The following CAPN13 variants were observed in gnomAD, a reference collection of about 807,000 sequenced individuals.
CAPN13 encodes calpain 13.
Under a neutral mutation model 98.4 loss-of-function variants are expected in CAPN13, and 90 were observed. The ratio of observed to expected loss-of-function variants is 0.92; its 90% CI spans 0.77 to 1.09. The LOEUF is 1.09. Ranked by LOEUF, CAPN13 falls within the 50% of genes least tolerant of loss-of-function variation. The pLI is 0.00. For missense variants in CAPN13, 887 were observed against 841.3 expected (o/e 1.05, Z -0.67); for synonymous variants, 330 against 305.5 (o/e 1.08, Z -0.84).
At chr2:30,784,831 G>A (rs575665202) in intron 2 of CAPN13, among the ~76,000 whole-genome samples, 2 of 152,218 alleles carry the variant, frequency 1.3e-5, no homozygotes, top group African/African-American at 4.8e-5. Flanking sequence ...CCTTATCATA[G>A]AGTTACTGTG....
intron 1 of CAPN13, among the ~76,000 whole-genome samples, chr2:30,795,991 G>T (rs528202658): frequency 6.6e-6 from 1 of 151,522 alleles, no homozygotes. Flanking sequence ...GACTTGCAGA[G>T]AAATACTTTG....
chr2:30,743,240 C>G, intron 13 of CAPN13, 143 bp downstream of exon 13: 1 of 752,016 alleles, frequency 1.3e-6, no homozygotes, highest in East Asian at 2.5e-5. Flanking sequence ...TTATGGTGAG[C>G]TGCTCTAGAG....
intron 22 of CAPN13, among the ~76,000 whole-genome samples, chr2:30,727,127 G>A (rs934137387): frequency 6.6e-6 from 1 of 152,098 alleles, no homozygotes; most frequent in African/African-American, 2.4e-5. Flanking sequence ...TGGGACAAAT[G>A]AATGAATGCA....
At chr2:30,753,250 G>A in intron 9 of CAPN13, 52 bp from the exon 10 acceptor site, 9 of 1,596,954 alleles carry the variant, frequency 5.6e-6, no homozygotes, top group Admixed American at 1.7e-5. Flanking sequence ...TGTCCCCAGG[G>A]TGGGGGTTCC....
Position 30,742,334 on chromosome 2 carries a change from T to C in CAPN13, c.1471A>G (p.Arg491Gly). The C allele has an allele frequency of 1.9e-6, 3 of 1,604,474 alleles. No homozygotes were observed. The highest frequency in any genetic ancestry group is 2.6e-6 in the Non-Finnish European group (3 of 1,175,448). The change falls in exon 14 of 23, where the codon AGA (arginine) becomes GGA (glycine). Residue 491 changes from arginine (R) to glycine (G), a missense_variant. Arg to Gly is a moderately radical substitution (Grantham distance 125). Transcript: ENST00000295055. ...DRHLSSHFNL[R>G]MKGSPSEHGS... The stretch of plus-strand genomic sequence containing the variant: ...CCTTGCTGCATACCTACCTTCATTC[T>C]GAGGTTGAAATGGCTGCTCAGGTGC...
chr2:30,756,972 C>T (rs1205300167), intron 8 of CAPN13, among the ~76,000 whole-genome samples: 3 of 152,166 alleles, frequency 2.0e-5, no homozygotes, highest in African/African-American at 7.2e-5. Context: ...GGGATCGGAG[C>T]GGTCCTGCCA....
intron 5 of CAPN13, among the ~76,000 whole-genome samples, chr2:30,764,863 A>G (rs1266702994): frequency 6.6e-6 from 1 of 152,140 alleles, no homozygotes; most frequent in African/African-American, 2.4e-5. Context: ...GGCAGTGGAC[A>G]TTGGGAGCCA....
chr2:30,803,945 CG>C (rs1675446879), intron 1 of CAPN13, among the ~76,000 whole-genome samples: 1 of 152,058 alleles, frequency 6.6e-6, no homozygotes, highest in Non-Finnish European at 1.5e-5. Flanking sequence ...GGTTGTTTCC[CG>C]GGAGAATGAG....
At chr2:30,800,487 T>C (rs1329590016) in intron 1 of CAPN13, among the ~76,000 whole-genome samples, 1 of 152,192 alleles carries the variant, frequency 6.6e-6, no homozygotes, top group African/African-American at 2.4e-5. Context: ...AAGAGAAGGT[T>C]TGCCTGACAG....
At chr2:30,772,955 A>G (rs1673487799) in intron 4 of CAPN13, among the ~76,000 whole-genome samples, 1 of 151,976 alleles carries the variant, frequency 6.6e-6, no homozygotes, top group Admixed American at 6.6e-5. Context: ...CCTCCCAAGT[A>G]GCTGGGATTA....
chr2:30,798,232 G>A (rs73924862), intron 1 of CAPN13, among the ~76,000 whole-genome samples: 3,100 of 152,242 alleles, frequency 0.02, 105 homozygotes, highest in African/African-American at 0.071. Flanking sequence ...ATATTCACAT[G>A]CAGCCTTATT....
chr2:30,727,341 T>C (rs1670892166), intron 22 of CAPN13, among the ~76,000 whole-genome samples: 1 of 152,122 alleles, frequency 6.6e-6, no homozygotes, highest in Non-Finnish European at 1.5e-5. Context: ...TAAAGACTCA[T>C]ATGCTACAGA....
At chr2:30,741,327 G>A in intron 15 of CAPN13, 1 of 946,994 alleles carries the variant, frequency 1.1e-6, no homozygotes, top group Non-Finnish European at 1.3e-6. Context: ...CGGCAGGGTA[G>A]AGATGATCAT....
Position 30,731,360 on chromosome 2 carries a change from T to C in CAPN13, c.1967A>G (p.Tyr656Cys). 2 of 1,610,810 alleles carry C rather than the reference T, an allele frequency of 1.2e-6. No individual in the cohort carries two copies. Among genetic ancestry groups the C allele is most frequent in the Non-Finnish European group, 1.7e-6 (2 of 1,178,448 alleles). The change falls in exon 21 of 23, where the codon TAC becomes TGC. Residue 656 changes from tyrosine to cysteine, a missense_variant. Transcript: ENST00000295055. ...GTACCTCACCTCCATTTCTGTCAGG[T>C]AGAGTCCTTTTCCATCCTTAGAGAG... Reference protein sequence around the residue: ...RNLSKDGKGLYLTEMEWMSLV... With the variant: ...RNLSKDGKGLCLTEMEWMSLV...
At chr2:30,795,348 T>A (rs1674802162) in intron 1 of CAPN13, among the ~76,000 whole-genome samples, 1 of 152,116 alleles carries the variant, frequency 6.6e-6, no homozygotes, top group South Asian at 2.1e-4. Flanking sequence ...CAAATTATTG[T>A]CCAAGGTTGT....
rs57880021 is a variant in CAPN13 at position 30,745,894 on chromosome 2, A to ATTTTTTT, written c.1237-167_1237-161dup. Among the ~76,000 whole-genome samples, 52 of 92,758 alleles carry ATTTTTTT rather than the reference A, an allele frequency of 5.6e-4. 1 individual carries two copies. Among genetic ancestry groups the ATTTTTTT allele is most frequent in the African/African-American group, 6.4e-4 (15 of 23,554 alleles). The allele number at this position is 92,758 out of a possible 152,430, so 60.9% of individuals were successfully genotyped here. On this transcript the variant is annotated intron_variant, in intron 11 of 22. Coordinates refer to ENST00000295055, the MANE Select transcript of CAPN13 (RefSeq NM_144575.3). ...TTTTATATCTGTTATGCCATAAAGC[A>ATTTTTTT]TTTTTTTTTTTTTTTTTTTTTTTTG...
chr2:30,759,755 C>A (rs1331372215), intron 7 of CAPN13, among the ~76,000 whole-genome samples: 1 of 152,186 alleles, frequency 6.6e-6, no homozygotes, highest in Admixed American at 6.5e-5. Flanking sequence ...AAAGTCCGGG[C>A]TCCTAGTTTT....
chr2:30,739,447 G>T (rs958370595), intron 15 of CAPN13, among the ~76,000 whole-genome samples: 9 of 151,928 alleles, frequency 5.9e-5, no homozygotes, highest in African/African-American at 2.2e-4. Context: ...GTCCAGATGG[G>T]GTCCTCACCT....
intron 1 of CAPN13, among the ~76,000 whole-genome samples, chr2:30,802,550 G>C (rs866388238): frequency 1.1e-4 from 17 of 150,902 alleles, no homozygotes; most frequent in East Asian, 7.8e-4. Flanking sequence ...GCTGGGGGGG[G>C]GGGGTGGTGG....
Sources: gnomAD v4.1 joint callset for allele counts (sites outside exome capture counted in the v4.1 genomes callset) on GRCh38, gnomAD v4.1.1 for gene constraint, MANE v1.5 for transcripts, NCBI Gene and HGNC (gene_info 2026-07-23, HGNC 2026-07-21) for gene names.